Variants in GRIN2A observed in about 807,000 individuals in gnomAD.
The protein encoded by GRIN2A is glutamate receptor ionotropic, NMDA 2A.
GRIN2A carries 22 observed loss-of-function variants against 113.4 expected under a neutral mutation model. That is an observed-to-expected ratio of 0.19 (90% CI 0.14 to 0.28). GRIN2A has a LOEUF of 0.28. Ranked by LOEUF, GRIN2A falls within the 10% of genes least tolerant of loss-of-function variation. The pLI, the probability that GRIN2A is intolerant of heterozygous loss-of-function variation, is 1.00. For missense variants in GRIN2A, 1,502 were observed against 1,887.0 expected (o/e 0.80, Z 3.78); for synonymous variants, 827 against 738.4 (o/e 1.12, Z -1.94).
chr16:10,123,680 T>A (rs1404966677), intron 2 of GRIN2A, among the ~76,000 whole-genome samples: 1 of 152,086 alleles, frequency 6.6e-6, no homozygotes, highest in East Asian at 1.9e-4. Flanking sequence ...GCATTCAGGT[T>A]CCCAGAGGAT....
In GRIN2A at chr16:9,849,740, C is replaced by T. The variant is rs1460561060; in HGVS notation, c.1328+16G>A. ...AGGGTTGGGCACGTTCAGGTGACAG[C>T]ATTCCTGCCACTCACTTGATTTTGA... On this transcript the variant is annotated intron_variant, in intron 5 of 12. Coordinates refer to ENST00000330684, the MANE Select transcript of GRIN2A (RefSeq NM_001134407.3). 5.6e-6 allele frequency: 9 copies of T among 1,600,184 alleles called. No homozygotes were observed. Among genetic ancestry groups the T allele is most frequent in the African/African-American group, 2.7e-5 (2 of 74,660 alleles).
intron 3 of GRIN2A, among the ~76,000 whole-genome samples, chr16:9,934,573 T>C (rs1482326163): frequency 1.4e-5 from 2 of 145,060 alleles, no homozygotes; most frequent in African/African-American, 5.2e-5. Flanking sequence ...CCCAGTTACT[T>C]AGGAGGGTGG....
At chr16:9,999,916 T>C (rs1322852589) in intron 2 of GRIN2A, among the ~76,000 whole-genome samples, 2 of 152,124 alleles carry the variant, frequency 1.3e-5, no homozygotes, top group South Asian at 2.1e-4. Context: ...ATGGGCTCAC[T>C]AGGCTAAAAA....
chr16:9,877,448 G>T (rs1219048483), intron 4 of GRIN2A, among the ~76,000 whole-genome samples: 2 of 152,058 alleles, frequency 1.3e-5, no homozygotes, highest in East Asian at 3.8e-4. Flanking sequence ...TCCAGTTGAA[G>T]GTGGGTCTTA....
At chr16:9,772,922 C>CCAAAAAAAAA (rs777635808) in intron 11 of GRIN2A, among the ~76,000 whole-genome samples, 1 of 105,014 alleles carries the variant, frequency 9.5e-6, no homozygotes, top group African/African-American at 3.7e-5. Context: ...ACTTCAATTT[C>CCAAAAAAAAA]AAAAAAAAAA....
At chr16:9,838,714 A>C (rs2141336374) in intron 7 of GRIN2A, among the ~76,000 whole-genome samples, 1 of 152,274 alleles carries the variant, frequency 6.6e-6, no homozygotes, top group South Asian at 2.1e-4. Flanking sequence ...CAGTGTCAAG[A>C]CCAGTATCTG....
At chr16:10,123,648 T>C (rs1596530332) in intron 2 of GRIN2A, among the ~76,000 whole-genome samples, 1 of 152,240 alleles carries the variant, frequency 6.6e-6, no homozygotes, top group African/African-American at 2.4e-5. Flanking sequence ...GCTCGGTCAG[T>C]CTGGATGGGA....
intron 10 of GRIN2A, among the ~76,000 whole-genome samples, chr16:9,802,293 C>T (rs925855994): frequency 5.9e-5 from 9 of 152,128 alleles, no homozygotes; most frequent in Non-Finnish European, 8.8e-5. Flanking sequence ...CTCAATCAAA[C>T]CCACCAGTGA....
chr16:10,092,734 T>C (rs2048204092), intron 2 of GRIN2A, among the ~76,000 whole-genome samples: 1 of 152,156 alleles, frequency 6.6e-6, no homozygotes, highest in African/African-American at 2.4e-5. Flanking sequence ...AGCAAGCTAG[T>C]AGAGACGGGA....
At chr16:10,113,969 T>A (rs2048676604) in intron 2 of GRIN2A, among the ~76,000 whole-genome samples, 1 of 151,822 alleles carries the variant, frequency 6.6e-6, no homozygotes, top group Admixed American at 6.6e-5. Context: ...CTCAGAAGGC[T>A]AGGGCAGAGT....
At chr16:9,949,818 T>C (rs1450618503) in intron 2 of GRIN2A, among the ~76,000 whole-genome samples, 1 of 151,916 alleles carries the variant, frequency 6.6e-6, no homozygotes, top group East Asian at 1.9e-4. Context: ...GTTGTGGGTA[T>C]AAGAGATTGA....
At chr16:9,981,177 C>A (rs1175172645) in intron 2 of GRIN2A, among the ~76,000 whole-genome samples, 3 of 152,088 alleles carry the variant, frequency 2.0e-5, no homozygotes, top group Admixed American at 2.0e-4. Flanking sequence ...ACTGAAAATG[C>A]CATCCATGCT....
intron 2 of GRIN2A, among the ~76,000 whole-genome samples, chr16:10,094,512 C>G (rs932654730): frequency 3.3e-5 from 5 of 151,890 alleles, no homozygotes; most frequent in Non-Finnish European, 7.4e-5. Context: ...TGCAATGGCA[C>G]AATCTCAGCT....
chr16:9,795,022 A>G (rs74774527), intron 11 of GRIN2A, among the ~76,000 whole-genome samples: 2,471 of 151,642 alleles, frequency 0.016, 37 homozygotes, highest in Non-Finnish European at 0.028. Flanking sequence ...CATGATGATG[A>G]TGATGATGAC....
At chr16:9,907,583 G>A (rs181347998) in intron 3 of GRIN2A, among the ~76,000 whole-genome samples, 26 of 152,078 alleles carry the variant, frequency 1.7e-4, no homozygotes, top group Admixed American at 4.6e-4. Flanking sequence ...ATACAGTCAT[G>A]CCTCCAACAG....
chr16:10,071,594 G>C (rs911252763), intron 2 of GRIN2A, among the ~76,000 whole-genome samples: 2 of 152,230 alleles, frequency 1.3e-5, no homozygotes, highest in Non-Finnish European at 2.9e-5. Context: ...AGGGATTGGA[G>C]TGGAGTTTGG....
chr16:9,830,093 T>A (rs1170643940), intron 8 of GRIN2A, among the ~76,000 whole-genome samples: 1 of 152,206 alleles, frequency 6.6e-6, no homozygotes, highest in Non-Finnish European at 1.5e-5. Flanking sequence ...GGGACTGATG[T>A]TTGGTATTCT....
In GRIN2A at chr16:9,764,494, G is replaced by A. The variant is rs2141135088; in HGVS notation, c.3050C>T (p.Ser1017Phe). Residue 1017 changes from serine (S) to phenylalanine (F), a missense_variant, in exon 13 of 13, where the codon TCC (serine) becomes TTC (phenylalanine). Transcript: ENST00000330684. The part of the protein sequence containing the change: ...NSRPRQLWKK[S>F]VDSIRQDSLS... ...TGAATCCTGGCGTATGGAATCCACG[G>A]ATTTCTTCCACAGCTGCCGGGGTCT... The A allele has an allele frequency of 6.2e-7, 1 of 1,614,124 alleles. No homozygotes were observed. The highest frequency in any genetic ancestry group is 8.5e-7 in the Non-Finnish European group (1 of 1,180,020).
intron 10 of GRIN2A, among the ~76,000 whole-genome samples, chr16:9,805,160 C>T (rs2041942046): frequency 6.6e-6 from 1 of 152,154 alleles, no homozygotes; most frequent in Non-Finnish European, 1.5e-5. Flanking sequence ...GAGGACTATA[C>T]CCCACAGTAG....
Sources: gnomAD v4.1 joint callset for allele counts (sites outside exome capture counted in the v4.1 genomes callset) on GRCh38, gnomAD v4.1.1 for gene constraint, MANE v1.5 for transcripts, NCBI Gene and HGNC (gene_info 2026-07-23, HGNC 2026-07-21) for gene names.